Variants in LINGO2 observed in about 807,000 individuals in gnomAD.
LINGO2 encodes the protein leucine rich repeat and Ig domain containing 2, also known as leucine-rich repeat and immunoglobulin-like domain-containing nogo receptor-interacting protein 2.
LINGO2 carries 14 observed loss-of-function variants against 30.6 expected under a neutral mutation model. The observed-to-expected ratio is 0.46, with a 90% confidence interval of 0.30 to 0.72. LINGO2 has a LOEUF of 0.72. LINGO2 is among the 30% of genes least tolerant of loss of function. LINGO2 has a pLI of 0.07. For synonymous variants in LINGO2, 317 were observed against 288.5 expected (o/e 1.10, Z -1.00); for missense variants, 729 against 751.7 (o/e 0.97, Z 0.35).
the LINGO2 span, among the ~76,000 whole-genome samples, chr9:29,107,609 AGCTATT>A: frequency 1.3e-5 from 2 of 152,130 alleles, no homozygotes; most frequent in African/African-American, 4.8e-5. Context: ...TTGTCTAGGT[AGCTATT>A]GCTTTATATT....
the LINGO2 span, among the ~76,000 whole-genome samples, chr9:28,752,928 A>G: frequency 6.6e-6 from 1 of 152,070 alleles, no homozygotes; most frequent in Non-Finnish European, 1.5e-5. Flanking sequence ...AGATGATAAT[A>G]CTTTTTGAAA....
the LINGO2 span, among the ~76,000 whole-genome samples, chr9:28,994,212 T>C: frequency 6.6e-6 from 1 of 152,306 alleles, no homozygotes; most frequent in African/African-American, 2.4e-5. Context: ...CAAGCATTCT[T>C]ATGCACCAAT....
the LINGO2 span, among the ~76,000 whole-genome samples, chr9:29,174,789 G>C: frequency 6.6e-6 from 1 of 152,216 alleles, no homozygotes; most frequent in Non-Finnish European, 1.5e-5. Context: ...TAATTCAGAT[G>C]CCTATGGTGT....
chr9:28,955,163 T>C, the LINGO2 span, among the ~76,000 whole-genome samples: 2 of 146,894 alleles, frequency 1.4e-5, no homozygotes, highest in Non-Finnish European at 3.0e-5. Flanking sequence ...GAAACAATCA[T>C]AGAGTCGAAA....
At chr9:28,702,324 T>A in the LINGO2 span, among the ~76,000 whole-genome samples, 1 of 151,836 alleles carries the variant, frequency 6.6e-6, no homozygotes, top group African/African-American at 2.4e-5. Context: ...ATTGAGTGTT[T>A]TATCATAAAT....
chr9:29,192,524 CA>C, the LINGO2 span, among the ~76,000 whole-genome samples: 71 of 152,024 alleles, frequency 4.7e-4, no homozygotes, highest in South Asian at 9.6e-3. Flanking sequence ...ATCTCTTATA[CA>C]TAAAGAAAAT....
Position 28,083,564 on chromosome 9 carries a change from C to T in LINGO2, c.-86-71159G>A, listed in dbSNP as rs1052190145. Among the ~76,000 whole-genome samples the T allele has an allele frequency of 7.2e-5, 11 of 152,102 alleles. No homozygotes were observed. In the East Asian group the frequency reaches 2.1e-3, roughly 29 times the overall value. ...AGCCAGGAGTTACATTTCTCAGAAT[C>T]CCCTTCTCTTTATGGTTGTAGGTTA... On this transcript the variant is annotated intron_variant, in intron 4 of 5. Transcript: ENST00000379992.
chr9:28,238,975 C>T (rs1168308516), intron 4 of LINGO2, among the ~76,000 whole-genome samples: 1 of 151,766 alleles, frequency 6.6e-6, no homozygotes, highest in Non-Finnish European at 1.5e-5. Context: ...ATGGATGCCA[C>T]AGAAATTCAA....
the LINGO2 span, among the ~76,000 whole-genome samples, chr9:28,845,605 T>C: frequency 6.6e-6 from 1 of 151,854 alleles, no homozygotes; most frequent in Non-Finnish European, 1.5e-5. Context: ...ATTTTAAAAT[T>C]AATTGAAGCA....
At chr9:28,584,432 A>G (rs1484661761) in intron 1 of LINGO2, among the ~76,000 whole-genome samples, 1 of 152,072 alleles carries the variant, frequency 6.6e-6, no homozygotes, top group Non-Finnish European at 1.5e-5. Context: ...TCCATTGAGC[A>G]AAACCTAATT....
chr9:28,043,646 T>G lies in LINGO2; in HGVS notation c.-86-31241A>C, dbSNP rs1273415695. Among the ~76,000 whole-genome samples, 2 of 152,174 alleles carry G rather than the reference T, an allele frequency of 1.3e-5. 1 individual carries two copies. Among genetic ancestry groups the G allele is most frequent in the Admixed American group, 1.3e-4 (2 of 15,274 alleles). ...AAAACTATGAAAGAATTAACCCTCA[T>G]GTACCCATCACCCAGTTTCAACAAT... On this transcript the variant is annotated intron_variant, in intron 4 of 5. Coordinates refer to ENST00000379992, the Ensembl canonical transcript of LINGO2.
At chr9:28,883,555 A>G in the LINGO2 span, among the ~76,000 whole-genome samples, 5 of 149,146 alleles carry the variant, frequency 3.4e-5, no homozygotes, top group African/African-American at 5.0e-5. Context: ...ATGCTGTCAC[A>G]GCAACTGACA....
the LINGO2 span, among the ~76,000 whole-genome samples, chr9:29,048,992 G>A: frequency 6.6e-6 from 1 of 152,084 alleles, no homozygotes; most frequent in African/African-American, 2.4e-5. Context: ...AAAAGCTTCT[G>A]CACAGCAAAA....
the LINGO2 span, among the ~76,000 whole-genome samples, chr9:29,086,231 G>A: frequency 6.6e-6 from 1 of 152,084 alleles, no homozygotes; most frequent in Non-Finnish European, 1.5e-5. Flanking sequence ...TCTTGTGAGG[G>A]ATGTAAGAGT....
intron 4 of LINGO2, among the ~76,000 whole-genome samples, chr9:28,109,033 A>G (rs977732): frequency 0.16 from 23,922 of 152,180 alleles, 1,925 homozygotes; most frequent in East Asian, 0.24. Context: ...AGCACATCAA[A>G]AAGCTTATCC....
At chr9:28,281,387 T>C (rs917505216) in intron 4 of LINGO2, among the ~76,000 whole-genome samples, 5 of 152,054 alleles carry the variant, frequency 3.3e-5, no homozygotes, top group Non-Finnish European at 7.4e-5. Context: ...AACCATTAAA[T>C]GCCCCAGTTA....
intron 4 of LINGO2, among the ~76,000 whole-genome samples, chr9:28,236,186 T>C (rs1028607133): frequency 2.6e-5 from 4 of 152,176 alleles, no homozygotes; most frequent in African/African-American, 9.6e-5. Context: ...ATGACATATT[T>C]TTAATGTGAT....
At chr9:29,001,798 C>A in the LINGO2 span, among the ~76,000 whole-genome samples, 1 of 151,910 alleles carries the variant, frequency 6.6e-6, no homozygotes, top group Non-Finnish European at 1.5e-5. Flanking sequence ...ATATCAGGCA[C>A]TAAGTGCAAA....
At chr9:28,886,848 AT>A in the LINGO2 span, among the ~76,000 whole-genome samples, 1 of 152,188 alleles carries the variant, frequency 6.6e-6, no homozygotes, top group Non-Finnish European at 1.5e-5. Flanking sequence ...GATAAACTGA[AT>A]ATAATACATT....
Sources: allele counts gnomAD v4.1 joint callset (sites outside exome capture counted in the v4.1 genomes callset), GRCh38; gene constraint gnomAD v4.1.1; transcripts MANE v1.5; gene names NCBI Gene and HGNC (gene_info 2026-07-23, HGNC 2026-07-21).